Variants in ALOX5AP observed in about 807,000 individuals in gnomAD.
The protein encoded by ALOX5AP is arachidonate 5-lipoxygenase activating protein, also known as arachidonate 5-lipoxygenase-activating protein.
In ALOX5AP, 9 loss-of-function variants were observed where a neutral mutation model predicts 18.5. The ratio of observed to expected loss-of-function variants is 0.49; its 90% confidence interval spans 0.29 to 0.85. The LOEUF is 0.85. ALOX5AP is among the 40% of genes least tolerant of loss of function. ALOX5AP has a pLI of 0.08. For synonymous variants in ALOX5AP, 81 were observed against 78.6 expected (o/e 1.03, Z -0.16); for missense variants, 172 against 202.5 (o/e 0.85, Z 0.91).
chr13:30,737,626 T>C (rs931775604), intron 1 of ALOX5AP, among the ~76,000 whole-genome samples: 1 of 152,108 alleles, frequency 6.6e-6, no homozygotes, highest in Non-Finnish European at 1.5e-5. Context: ...GAAGAGACAC[T>C]AGAATGGACC....
rs1165236511 is a variant in ALOX5AP at position 30,744,221 on chromosome 13, G to C, written c.170+62G>C. 11 of 1,427,088 alleles carry C rather than the reference G, an allele frequency of 7.7e-6. No homozygotes were observed. The South Asian group carries it at 1.3e-4, about 17-fold the overall frequency. 88.4% of individuals were successfully genotyped at this position (1,427,088 alleles called of 1,614,324 possible). ...CATGGGCAGGGGGGCCTCCTTCTAG[G>C]AGTGATGACCACCCTTAATACCACA... On this transcript the variant is annotated intron_variant, in intron 2 of 4. Coordinates refer to ENST00000380490, the MANE Select transcript of ALOX5AP (RefSeq NM_001629.4).
upstream of ALOX5AP, among the ~76,000 whole-genome samples, chr13:30,735,286 G>A (rs1236863407): frequency 1.3e-5 from 2 of 152,040 alleles, no homozygotes; most frequent in Admixed American, 6.5e-5. Context: ...ATGGTCTTGG[G>A]TCCAGGATTC....
rs192551630 is a variant in ALOX5AP, at chr13:30,718,173, G to A, written c.116+4332G>A. Among the ~76,000 whole-genome samples, 643 of 151,702 alleles carry A rather than the reference G, an allele frequency of 4.2e-3. 2 individuals are homozygous for A. The highest frequency in any genetic ancestry group is 0.015 in the African/African-American group (617 of 41,398). On this transcript the variant is annotated intron_variant, in intron 1 of 5. Transcript: ENST00000617770. ...AGGGTTTCTCCATGTTGGTCAGGCT[G>A]GTCTCAAACTCCTGACCTCAGGTGA...
chr13:30,760,921 G>T (rs1951936873), intron 4 of ALOX5AP, among the ~76,000 whole-genome samples: 1 of 152,058 alleles, frequency 6.6e-6, no homozygotes, highest in Non-Finnish European at 1.5e-5. Flanking sequence ...AAAAAAAATA[G>T]AAACATGAAA....
intron 2 of ALOX5AP, among the ~76,000 whole-genome samples, chr13:30,746,786 C>T (rs1228529332): frequency 6.6e-6 from 1 of 152,214 alleles, no homozygotes; most frequent in East Asian, 1.9e-4. Context: ...TACACATGGA[C>T]AGTAGTATGT....
chr13:30,748,033 C>G (rs1951822943), intron 2 of ALOX5AP, among the ~76,000 whole-genome samples: 2 of 152,094 alleles, frequency 1.3e-5, no homozygotes, highest in South Asian at 4.1e-4. Context: ...AATTTTTGTG[C>G]CTCAGCCTCC....
chr13:30,761,467 A>C (rs1171172809), intron 4 of ALOX5AP, among the ~76,000 whole-genome samples: 1 of 152,226 alleles, frequency 6.6e-6, no homozygotes, highest in Non-Finnish European at 1.5e-5. Flanking sequence ...TTGACTTTTC[A>C]CAATTTAATT....
At chr13:30,763,333 A>G (rs918928506) in intron 4 of ALOX5AP, among the ~76,000 whole-genome samples, 1 of 152,186 alleles carries the variant, frequency 6.6e-6, no homozygotes, top group Non-Finnish European at 1.5e-5. Flanking sequence ...AACAACAACA[A>G]TAACAACAAA....
intron 4 of ALOX5AP, among the ~76,000 whole-genome samples, chr13:30,760,450 G>A (rs749117790): frequency 2.0e-5 from 3 of 152,226 alleles, no homozygotes; most frequent in East Asian, 1.9e-4. Context: ...ACACTACGGC[G>A]CCTCATCCTA....
At chr13:30,733,875 G>A (rs1951700409), upstream of ALOX5AP, among the ~76,000 whole-genome samples, 1 of 151,302 alleles carries the variant, frequency 6.6e-6, no homozygotes, top group East Asian at 1.9e-4. Context: ...TTGCACCATT[G>A]CCCTCCATCT....
rs1951969738 is a variant in ALOX5AP at position 30,764,094 on chromosome 13, T to C, written c.474T>C (p.Leu158=). The change falls in exon 5 of 5, where the codon CTT becomes CTC. Residue 158 remains leucine (L), a synonymous_variant. Transcript: ENST00000380490. ...KTISTTISPL[L]LIP ...TCTCCACCACCATCTCCCCTCTACT[T>C]CTCATTCCCTAACTCTCTGCTGAAT... 6.2e-7 allele frequency: 1 copy of C among 1,613,994 alleles called. No individual in the cohort carries two copies. The highest frequency in any genetic ancestry group is 1.7e-5 in the Admixed American group (1 of 60,004).
chr13:30,735,430 T>G, upstream of ALOX5AP: 1 of 1,220,820 alleles, frequency 8.2e-7, no homozygotes, highest in Admixed American at 3.7e-5. Context: ...TTTTGGTGGT[T>G]AGTTAAAAAA....
intron 1 of ALOX5AP, among the ~76,000 whole-genome samples, chr13:30,717,121 A>G (rs1046450177): frequency 2.0e-5 from 3 of 152,082 alleles, no homozygotes; most frequent in African/African-American, 7.2e-5. Flanking sequence ...TAAATCACAC[A>G]CCATGACCCA....
chr13:30,735,188 G>T (rs1164719363), upstream of ALOX5AP, among the ~76,000 whole-genome samples: 7 of 152,084 alleles, frequency 4.6e-5, no homozygotes, highest in African/African-American at 1.7e-4. Context: ...AAAGTTTTGG[G>T]TTTACTTTCC....
upstream of ALOX5AP, among the ~76,000 whole-genome samples, chr13:30,732,825 A>AG (rs1292811106): frequency 1.3e-5 from 2 of 152,034 alleles, no homozygotes; most frequent in African/African-American, 4.8e-5. Context: ...AGAGGTAGAG[A>AG]GAAGGGAAAG....
chr13:30,730,751 CGAAGTGT>C (rs200665094), upstream of ALOX5AP, among the ~76,000 whole-genome samples: 1,115 of 152,310 alleles, frequency 7.3e-3, 31 homozygotes, highest in Admixed American at 0.042. Context: ...CATGTTGATG[CGAAGTGT>C]CTGCACAGCT....
At chr13:30,713,942 G>A in intron 1 of ALOX5AP, 1 of 1,304,416 alleles carries the variant, frequency 7.7e-7, no homozygotes, top group Non-Finnish European at 1.0e-6. Flanking sequence ...TGGTTTTTAA[G>A]AACCGAGGCT....
chr13:30,753,236 G>A (rs1024387042), intron 3 of ALOX5AP, among the ~76,000 whole-genome samples: 1 of 152,114 alleles, frequency 6.6e-6, no homozygotes, highest in African/African-American at 2.4e-5. Flanking sequence ...ACCACTTAAG[G>A]GACACCACGT....
At chr13:30,743,607 G>A (rs558229374) in intron 1 of ALOX5AP, among the ~76,000 whole-genome samples, 58 of 151,910 alleles carry the variant, frequency 3.8e-4, no homozygotes, top group African/African-American at 1.4e-3. Context: ...TTAGCTTAGA[G>A]CGGCCCCTCT....
Sources: allele counts gnomAD v4.1 joint callset (sites outside exome capture counted in the v4.1 genomes callset), GRCh38; gene constraint gnomAD v4.1.1; transcripts MANE v1.5; gene names NCBI Gene and HGNC (gene_info 2026-07-23, HGNC 2026-07-21).